TRAPPC9: variants seen among roughly 807,000 people sequenced by gnomAD.
TRAPPC9 encodes IKK2 binding protein.
TRAPPC9 carries 83 observed loss-of-function variants against 124.0 expected under a neutral mutation model. That is an observed-to-expected ratio of 0.67 (90% CI 0.56 to 0.80). The LOEUF (loss-of-function observed/expected upper bound fraction) is 0.80. TRAPPC9 is among the 30% of genes least tolerant of loss of function. The pLI is 0.00. For missense variants in TRAPPC9, 1,302 were observed against 1,508.3 expected (o/e 0.86, Z 2.27); for synonymous variants, 638 against 617.5 (o/e 1.03, Z -0.49).
rs535963912 is a variant in TRAPPC9, at chr8:140,223,119, A to G, written c.2432-1536T>C. On this transcript the variant is annotated intron_variant, in intron 16 of 22. Transcript: ENST00000438773. ...TGCTGCACCTATCAACCCATCACCC[A>G]CGTATTAAACCCAGCATGCATTAGC... Among the ~76,000 whole-genome samples the G allele has an allele frequency of 4.6e-5, 7 of 152,104 alleles. No homozygotes were observed. The East Asian group carries it at 1.4e-3, about 29-fold the overall frequency.
Position 140,072,517 on chromosome 8 carries a change from C to CA in TRAPPC9, c.2557-48439dup, listed in dbSNP as rs1203630621. Among the ~76,000 whole-genome samples the CA allele has an allele frequency of 1.9e-3, 206 of 109,526 alleles. 1 individual carries two copies. Among genetic ancestry groups the CA allele is most frequent in the Non-Finnish European group, 3.3e-3 (179 of 54,464 alleles). The allele number at this position is 109,526 out of a possible 152,430, so 71.9% of individuals were successfully genotyped here. A position where few individuals can be genotyped will look rare whatever the true frequency, so the allele number is the denominator to read the frequency against. On this transcript the variant is annotated intron_variant, in intron 17 of 22. Transcript: ENST00000438773. ...TGGGCGACAGAGCGAGACTCCGTCT[C>CA]AAAAAAAAAAGGAGGAGGAGGAGGA...
rs750241084 is a variant in TRAPPC9 at position 139,731,258 on chromosome 8, C to T, written c.3280-30G>A. 1.9e-6 allele frequency: 3 copies of T among 1,610,936 alleles called. No individual in the cohort carries two copies. In the African/African-American group the frequency reaches 4.0e-5, roughly 22 times the overall value. ...GCAGGGAGGAGAAAGACACATCAGT[C>T]TGGTCAGCAGCAGGGGCCACCCAAA... On this transcript the variant is annotated intron_variant, in intron 22 of 22. Coordinates refer to ENST00000438773, the MANE Select transcript of TRAPPC9 (RefSeq NM_001160372.4).
At chr8:140,015,782 CGAG>C (rs199928972) in intron 18 of TRAPPC9, among the ~76,000 whole-genome samples, 4,177 of 152,086 alleles carry the variant, frequency 0.027, 75 homozygotes, top group South Asian at 0.076. Flanking sequence ...CACTCCAGCC[CGAG>C]CAAAAGAAAA....
At chr8:140,113,666 C>A (rs765742330) in intron 17 of TRAPPC9, among the ~76,000 whole-genome samples, 3 of 152,174 alleles carry the variant, frequency 2.0e-5, no homozygotes, top group Non-Finnish European at 4.4e-5. Flanking sequence ...TAGGAAGCAA[C>A]TTCCACTTCC....
In TRAPPC9 at chr8:140,283,916, C is replaced by G; in HGVS notation, c.2087G>C (p.Arg696Thr). Residue 696 changes from arginine (R) to threonine (T), a missense_variant, in exon 14 of 23, where the codon AGA becomes ACA. Arg to Thr is a moderately conservative substitution (Grantham distance 71). Coordinates refer to ENST00000438773, the MANE Select transcript of TRAPPC9 (RefSeq NM_001160372.4). ...GGGCAGAGAGGTGCTGATCTGCAGT[C>G]TTGGCAACGCGGGAATGACTTCCAC... Reference protein sequence around the residue: ...STVEVIPALPRLQISTSLPRS... With the variant: ...STVEVIPALPTLQISTSLPRS... 4 of 1,614,060 alleles carry G rather than the reference C, an allele frequency of 2.5e-6. No homozygotes were observed. Among genetic ancestry groups the G allele is most frequent in the Non-Finnish European group, 3.4e-6 (4 of 1,180,010 alleles).
intron 21 of TRAPPC9, among the ~76,000 whole-genome samples, chr8:139,839,098 C>A (rs897173311): frequency 1.3e-5 from 2 of 152,242 alleles, no homozygotes; most frequent in Non-Finnish European, 2.9e-5. Flanking sequence ...CCTCAGGGTG[C>A]ATCTTTGGCC....
At chr8:140,384,631 T>C (rs958790913) in intron 7 of TRAPPC9, among the ~76,000 whole-genome samples, 1 of 152,212 alleles carries the variant, frequency 6.6e-6, no homozygotes. Context: ...ATCCTAAATA[T>C]ACATGCACCC....
At chr8:139,784,238 A>G (rs1237880351) in intron 21 of TRAPPC9, among the ~76,000 whole-genome samples, 2 of 152,248 alleles carry the variant, frequency 1.3e-5, no homozygotes, top group African/African-American at 4.8e-5. Flanking sequence ...CTTTAAAAAC[A>G]GCCACTAGAA....
At chr8:139,736,748 C>T (rs1417881725) in intron 21 of TRAPPC9, among the ~76,000 whole-genome samples, 2 of 152,156 alleles carry the variant, frequency 1.3e-5, no homozygotes, top group African/African-American at 2.4e-5. Flanking sequence ...GGGCTGTGCC[C>T]GGGTAGGATT....
intron 10 of TRAPPC9, among the ~76,000 whole-genome samples, chr8:140,306,590 G>A (rs1340664571): frequency 6.6e-6 from 1 of 151,894 alleles, no homozygotes; most frequent in East Asian, 1.9e-4. Context: ...TTAGAAGAAA[G>A]GCATGAAAAG....
At chr8:140,132,802 G>A (rs1279731610) in intron 17 of TRAPPC9, among the ~76,000 whole-genome samples, 2 of 151,800 alleles carry the variant, frequency 1.3e-5, no homozygotes, top group East Asian at 1.9e-4. Context: ...CGGAGGAGGA[G>A]GAGGAGGAAA....
chr8:140,437,066 C>T lies in TRAPPC9; in HGVS notation c.731-1826G>A, dbSNP rs564067909. ...GCAGCCTTGACCTCCTGAGCCCAAGCGATCCTCCTGCCTCACCCTCACAAG... is the reference window on the plus strand; with the variant it reads ...GCAGCCTTGACCTCCTGAGCCCAAGTGATCCTCCTGCCTCACCCTCACAAG... On this transcript the variant is annotated intron_variant, in intron 3 of 22. Coordinates refer to ENST00000438773, the MANE Select transcript of TRAPPC9 (RefSeq NM_001160372.4). 3.9e-5 allele frequency among the ~76,000 whole-genome samples: 6 copies of T among 152,214 alleles called. No homozygotes were observed. In the South Asian group the frequency reaches 1.2e-3, roughly 32 times the overall value.
chr8:140,345,441 CT>C lies in TRAPPC9; in HGVS notation c.1495+14608del, dbSNP rs199653863. On this transcript the variant is annotated intron_variant, in intron 9 of 22. Coordinates refer to ENST00000438773, the MANE Select transcript of TRAPPC9 (RefSeq NM_001160372.4). ...ACGGAAAATGATGCCCGTCCCATCT[CT>C]GGGCCCTGAGGTCCTGGGGGCAGAG... Among the ~76,000 whole-genome samples, 1,442 of 152,318 alleles carry C rather than the reference CT, an allele frequency of 9.5e-3. 7 individuals carry two copies. Among genetic ancestry groups the C allele is most frequent in the Non-Finnish European group, 0.014 (984 of 68,032 alleles).
intron 15 of TRAPPC9, among the ~76,000 whole-genome samples, chr8:140,266,669 T>C (rs1459041326): frequency 6.6e-6 from 1 of 151,838 alleles, no homozygotes; most frequent in Admixed American, 6.6e-5. Flanking sequence ...CTATCCTGGC[T>C]AACATGGTGC....
At chr8:140,042,461 G>A (rs1268627192) in intron 17 of TRAPPC9, among the ~76,000 whole-genome samples, 3 of 152,234 alleles carry the variant, frequency 2.0e-5, no homozygotes, top group African/African-American at 7.2e-5. Flanking sequence ...GGTTCCGGCT[G>A]CTTTTTATAG....
Position 139,910,092 on chromosome 8 carries a change from T to C in TRAPPC9, c.2964+55A>G, listed in dbSNP as rs960433753. On this transcript the variant is annotated intron_variant, in intron 20 of 22. Transcript: ENST00000438773. ...GACCCTCACGGGTCTTTCTTAGAGG[T>C]TGGAACCCTGGGCAAAGGTGCCCCC... 8 of 1,608,580 alleles carry C rather than the reference T, an allele frequency of 5.0e-6. No individual in the cohort carries two copies. In the African/African-American group the frequency reaches 9.4e-5, roughly 19 times the overall value.
At chr8:140,110,341 C>T (rs2060743753) in intron 17 of TRAPPC9, among the ~76,000 whole-genome samples, 1 of 33,540 alleles carries the variant, frequency 3.0e-5, no homozygotes, top group East Asian at 1.6e-3. Context: ...CTCCCTCCTG[C>T]AGCAGCTCCC....
At chr8:140,108,526 C>A (rs1282138394) in intron 17 of TRAPPC9, among the ~76,000 whole-genome samples, 1 of 152,060 alleles carries the variant, frequency 6.6e-6, no homozygotes, top group African/African-American at 2.4e-5. Context: ...GCCCCCCTTG[C>A]CCAGGGCGCA....
chr8:139,995,861 T>TAAAAA (rs35970083), intron 18 of TRAPPC9, among the ~76,000 whole-genome samples: 17 of 96,902 alleles, frequency 1.8e-4, no homozygotes, highest in Non-Finnish European at 2.8e-4. Flanking sequence ...TACTCTGCAT[T>TAAAAA]AAAAAAAAAA....
Sources: allele counts gnomAD v4.1 joint callset (sites outside exome capture counted in the v4.1 genomes callset), GRCh38; gene constraint gnomAD v4.1.1; transcripts MANE v1.5; gene names NCBI Gene and HGNC (gene_info 2026-07-23, HGNC 2026-07-21).